Variants in RAB11FIP4 observed in about 807,000 individuals in gnomAD.
RAB11FIP4 encodes RAB11 family interacting protein 4.
In RAB11FIP4, 23 loss-of-function variants were observed where a neutral mutation model predicts 74.3. That is an observed-to-expected ratio of 0.31 (90% CI 0.22 to 0.44). RAB11FIP4 has a LOEUF of 0.44. Ranked by LOEUF, RAB11FIP4 falls within the 20% of genes least tolerant of loss-of-function variation. The pLI is 1.00. For synonymous variants in RAB11FIP4, 360 were observed against 359.9 expected (o/e 1.00, Z 0.00); for missense variants, 630 against 863.9 (o/e 0.73, Z 3.39).
At chr17:31,402,801 A>G (rs925195391) in intron 1 of RAB11FIP4, among the ~76,000 whole-genome samples, 1 of 149,174 alleles carries the variant, frequency 6.7e-6, no homozygotes, top group Non-Finnish European at 1.5e-5. Flanking sequence ...TTTTTTTTGT[A>G]TTTTTAGTAG....
chr17:31,520,309 C>G (rs1193980828), intron 4 of RAB11FIP4, among the ~76,000 whole-genome samples: 1 of 152,106 alleles, frequency 6.6e-6, no homozygotes, highest in Non-Finnish European at 1.5e-5. Flanking sequence ...TGGAACAAAT[C>G]TCTCTTGGAT....
At position 31,537,200 on chromosome 17, in the gene RAB11FIP4, T is replaced by C. The variant is rs1436575545; in HGVS notation, c.*5468T>C. 2.5e-6 allele frequency: 1 copy of C among 399,360 alleles called. No individual in the cohort carries two copies. The allele number at this position is 399,360 out of a possible 1,614,324, so 24.7% of individuals were successfully genotyped here. A position where few individuals can be genotyped will look rare whatever the true frequency, so the allele number is the denominator to read the frequency against. ...ATTGCCCACTGCCTCCTTTTCTACA[T>C]CGTCTCATCTCCCTGGCCTTTCCCG... On this transcript the variant is annotated 3_prime_UTR_variant, in exon 15 of 15. Transcript: ENST00000621161.
At chr17:31,530,684 C>T (rs1004931755) in intron 14 of RAB11FIP4, among the ~76,000 whole-genome samples, 4 of 152,118 alleles carry the variant, frequency 2.6e-5, no homozygotes, top group African/African-American at 7.2e-5. Flanking sequence ...GGAAGGAGTG[C>T]GGGTTTGGTT....
chr17:31,470,878 G>T (rs755596001), intron 3 of RAB11FIP4, among the ~76,000 whole-genome samples: 4 of 152,196 alleles, frequency 2.6e-5, no homozygotes, highest in Non-Finnish European at 4.4e-5. Flanking sequence ...GCTTCAAGGA[G>T]GAGGGGAGTC....
intron 1 of RAB11FIP4, among the ~76,000 whole-genome samples, chr17:31,402,594 TTATTTTTA>T (rs2070997727): frequency 7.8e-6 from 1 of 128,264 alleles, no homozygotes; most frequent in African/African-American, 3.2e-5. Context: ...ATTATTTTAT[TTATTTTTA>T]TTTATTTATT....
Position 31,515,675 on chromosome 17 carries a change from A to G in RAB11FIP4, c.337-1976A>G, listed in dbSNP as rs56681326. On this transcript the variant is annotated intron_variant, in intron 3 of 14. Coordinates refer to ENST00000621161, the MANE Select transcript of RAB11FIP4 (RefSeq NM_032932.6). ...TCTCGGGACTGCAGGGTCCTTTAAT[A>G]GGGTGCCCTGCCAGCCCTGGCTGAG... is the stretch of plus-strand genomic sequence containing the variant. 4.0e-3 allele frequency among the ~76,000 whole-genome samples: 601 copies of G among 152,150 alleles called. 2 individuals carry two copies. Among genetic ancestry groups the G allele is most frequent in the African/African-American group, 0.014 (579 of 41,518 alleles).
intron 1 of RAB11FIP4, among the ~76,000 whole-genome samples, chr17:31,415,282 G>A (rs943085586): frequency 2.0e-5 from 3 of 152,234 alleles, no homozygotes; most frequent in African/African-American, 7.2e-5. Context: ...GCTCTACGTG[G>A]ACAAAGAGGA....
intron 3 of RAB11FIP4, among the ~76,000 whole-genome samples, chr17:31,459,657 T>A (rs993359506): frequency 6.6e-6 from 1 of 151,660 alleles, no homozygotes; most frequent in Admixed American, 6.6e-5. Flanking sequence ...CTTTTGCCCA[T>A]GCTGTTCCCT....
At chr17:31,481,825 A>G (rs918441546) in intron 3 of RAB11FIP4, among the ~76,000 whole-genome samples, 4 of 152,138 alleles carry the variant, frequency 2.6e-5, no homozygotes, top group African/African-American at 7.2e-5. Context: ...AGGTTGACAC[A>G]AATAGAGCTT....
chr17:31,467,979 A>C (rs55685354), intron 3 of RAB11FIP4, among the ~76,000 whole-genome samples: 1 of 152,296 alleles, frequency 6.6e-6, no homozygotes, highest in African/African-American at 2.4e-5. Context: ...TGGGCCCTGC[A>C]GCCCCAGTGA....
chr17:31,506,856 A>C (rs1047105228), intron 3 of RAB11FIP4, among the ~76,000 whole-genome samples: 2 of 152,234 alleles, frequency 1.3e-5, no homozygotes, highest in Admixed American at 6.5e-5. Flanking sequence ...GGGAATGCAG[A>C]TCTCTCTTTG....
intron 3 of RAB11FIP4, among the ~76,000 whole-genome samples, chr17:31,439,255 G>A (rs80124296): frequency 0.011 from 1,720 of 152,350 alleles, 34 homozygotes; most frequent in African/African-American, 0.035. Context: ...GTGTCAAAGG[G>A]TATGTAGATT....
Position 31,485,140 on chromosome 17 carries a change from T to A in RAB11FIP4, c.337-32511T>A, listed in dbSNP as rs1439574775. 4.6e-5 allele frequency among the ~76,000 whole-genome samples: 7 copies of A among 152,322 alleles called. No homozygotes were observed. In the East Asian group the frequency reaches 1.3e-3, roughly 29 times the overall value. On this transcript the variant is annotated intron_variant, in intron 3 of 14. Transcript: ENST00000621161. ...GAAACTTCACAACTGCAAGAGGAAA[T>A]GTCTTATTTCCATTTTCTAGAGGTA... is the stretch of plus-strand genomic sequence containing the variant.
chr17:31,463,260 A>C (rs959016078), intron 3 of RAB11FIP4, among the ~76,000 whole-genome samples: 1 of 152,150 alleles, frequency 6.6e-6, no homozygotes, highest in Non-Finnish European at 1.5e-5. Flanking sequence ...CTGTGCTGCC[A>C]TCATGACCCC....
At chr17:31,453,607 A>G (rs977704161) in intron 3 of RAB11FIP4, among the ~76,000 whole-genome samples, 12 of 151,668 alleles carry the variant, frequency 7.9e-5, no homozygotes, top group Non-Finnish European at 1.6e-4. Context: ...GGTGAATTAC[A>G]TGAGGTCAGG....
intron 3 of RAB11FIP4, among the ~76,000 whole-genome samples, chr17:31,446,187 G>A (rs973549579): frequency 6.6e-6 from 1 of 151,996 alleles, no homozygotes; most frequent in African/African-American, 2.4e-5. Context: ...ATGGTGTGGC[G>A]AGGAGGGGGC....
At chr17:31,531,575 C>A in intron 14 of RAB11FIP4, 41 bp from the exon 15 acceptor site, 1 of 1,393,868 alleles carries the variant, frequency 7.2e-7, no homozygotes, top group Non-Finnish European at 1.0e-6. Flanking sequence ...TGCACCCTAT[C>A]CCAGGCCCAG....
At chr17:31,487,766 T>TC in intron 3 of RAB11FIP4, among the ~76,000 whole-genome samples, 2 of 151,992 alleles carry the variant, frequency 1.3e-5, no homozygotes, top group South Asian at 4.2e-4. Context: ...GGGCGCGAGC[T>TC]CACACGCCGA....
chr17:31,496,736 C>T (rs554781678), intron 3 of RAB11FIP4, among the ~76,000 whole-genome samples: 4 of 152,330 alleles, frequency 2.6e-5, no homozygotes, highest in East Asian at 1.9e-4. Context: ...GTGCTGTGGT[C>T]CCTGCAAGCT....
Sources: allele counts gnomAD v4.1 joint callset (sites outside exome capture counted in the v4.1 genomes callset), GRCh38; gene constraint gnomAD v4.1.1; transcripts MANE v1.5; gene names NCBI Gene and HGNC (gene_info 2026-07-23, HGNC 2026-07-21).